Variants in MYO6 observed in about 807,000 individuals in gnomAD.
MYO6 encodes the protein myosin VI, also known as unconventional myosin-VI.
MYO6 carries 74 observed loss-of-function variants against 178.7 expected under a neutral mutation model. That is an observed-to-expected ratio of 0.41 (90% CI 0.34 to 0.50). The LOEUF is 0.50. MYO6 is among the 20% of genes least tolerant of loss of function. MYO6 has a pLI of 0.09. For missense variants in MYO6, 1,330 were observed against 1,547.4 expected, an observed-to-expected ratio of 0.86 and a Z score of 2.36; for synonymous variants, 477 against 504.6, an observed-to-expected ratio of 0.95 and a Z score of 0.73.
At position 75,828,609 on chromosome 6, in the gene MYO6, T is replaced by C. The variant is rs750070309; in HGVS notation, c.257T>C (p.Ile86Thr). 1 of 1,554,150 alleles carries C rather than the reference T, an allele frequency of 6.4e-7. No homozygotes were observed. Among genetic ancestry groups the C allele is most frequent in the Admixed American group, 1.7e-5 (1 of 59,918 alleles). ...AAAGTTCGATATAGTAAAGACAGAATTTATGTAAGTATTTTACCTGTAGTG... is the reference window on the plus strand; with the variant it reads ...AAAGTTCGATATAGTAAAGACAGAACTTATGTAAGTATTTTACCTGTAGTG... ...NIKVRYSKDR[I>T]YTYVANILIA... is the part of the protein sequence containing the mutation. The change falls in exon 4 of 35, where the codon ATT becomes ACT. Residue 86 changes from isoleucine to threonine, a missense_variant. Ile to Thr is a moderately conservative substitution (Grantham distance 89, BLOSUM62 -1). Transcript: ENST00000369977.
Position 75,879,892 on chromosome 6 carries a change from T to TGTACAA in MYO6, c.2151_2156dup (p.Tyr718_Lys719dup). 6.2e-7 allele frequency: 1 copy of TGTACAA among 1,614,124 alleles called. No homozygotes were observed. The highest frequency in any genetic ancestry group is 8.5e-7 in the Non-Finnish European group (1 of 1,180,006). ...GCTTCATTTCATGAACTCTACAACA[T>TGTACAA]GTACAAAAAGTATATGCCAGATAAA... On this transcript the variant is annotated inframe_insertion, in exon 21 of 35. Coordinates refer to ENST00000369977, the MANE Select transcript of MYO6 (RefSeq NM_004999.4).
At chr6:75,899,205 T>C (rs1031060815) in intron 30 of MYO6, among the ~76,000 whole-genome samples, 18 of 152,186 alleles carry the variant, frequency 1.2e-4, no homozygotes, top group Non-Finnish European at 2.1e-4. Context: ...AAGTTAGGGA[T>C]ATTAAAACCA....
intron 23 of MYO6, among the ~76,000 whole-genome samples, chr6:75,884,049 C>A (rs1329873118): frequency 1.3e-5 from 2 of 152,118 alleles, no homozygotes; most frequent in African/African-American, 4.8e-5. Flanking sequence ...TAGTTTAATA[C>A]GTTCAGCTTT....
intron 30 of MYO6, among the ~76,000 whole-genome samples, chr6:75,905,449 G>C (rs1780218617): frequency 6.6e-6 from 1 of 152,264 alleles, no homozygotes; most frequent in Non-Finnish European, 1.5e-5. Context: ...CGTCGGAAAA[G>C]CGCAGTATTC....
Position 75,902,850 on chromosome 6 carries a change from C to T in MYO6, c.3176+4439C>T, listed in dbSNP as rs559553597. On this transcript the variant is annotated intron_variant, in intron 30 of 34. Transcript: ENST00000369977. ...CAATTTTGGATCTTTCCTGCTTTCTCTTGTGGGCATTTAGTGCTATAAATT... is the reference window on the plus strand; with the variant it reads ...CAATTTTGGATCTTTCCTGCTTTCTTTTGTGGGCATTTAGTGCTATAAATT... Among the ~76,000 whole-genome samples, 5 of 151,520 alleles carry T rather than the reference C, an allele frequency of 3.3e-5. No homozygotes were observed. The South Asian group carries it at 8.5e-4, about 26-fold the overall frequency.
chr6:75,888,782 A>G (rs1369748200), intron 25 of MYO6, among the ~76,000 whole-genome samples: 2 of 152,074 alleles, frequency 1.3e-5, no homozygotes, highest in Non-Finnish European at 2.9e-5. Flanking sequence ...TTCAATTTCT[A>G]TCTCTACCAT....
chr6:75,813,040 T>C (rs1344884494), intron 1 of MYO6, among the ~76,000 whole-genome samples: 2 of 152,224 alleles, frequency 1.3e-5, no homozygotes, highest in Non-Finnish European at 2.9e-5. Context: ...ATAGTAGTTA[T>C]ATTAAATGGT....
Position 75,911,691 on chromosome 6 carries a change from C to G in MYO6, c.3432C>G (p.Asn1144Lys), listed in dbSNP as rs772898051. The stretch of plus-strand genomic sequence containing the variant: ...TCACAGATTTTGCACCATTTTTGAA[C>G]AATTCACGTAAGTCAATGGGTGGTA... ...VTDYDFAPFL[N>K]NSPQQNPAAQ... The change falls in exon 33 of 35, where the codon AAC becomes AAG. Residue 1144 changes from asparagine to lysine, a missense_variant. Asn to Lys is a moderately conservative substitution (Grantham distance 94, BLOSUM62 0). Coordinates refer to ENST00000369977, the MANE Select transcript of MYO6 (RefSeq NM_004999.4). The G allele has an allele frequency of 3.1e-6, 5 of 1,612,008 alleles. No individual in the cohort carries two copies. Among genetic ancestry groups the G allele is most frequent in the Admixed American group, 1.7e-5 (1 of 59,956 alleles).
At chr6:75,885,728 G>A (rs1475164995) in intron 23 of MYO6, among the ~76,000 whole-genome samples, 2 of 152,050 alleles carry the variant, frequency 1.3e-5, no homozygotes, top group Non-Finnish European at 2.9e-5. Flanking sequence ...TTACAGGCGT[G>A]AGCCACCGCG....
intron 27 of MYO6, among the ~76,000 whole-genome samples, chr6:75,891,647 T>C (rs1778915304): frequency 6.6e-6 from 1 of 151,478 alleles, no homozygotes; most frequent in South Asian, 2.1e-4. Context: ...AAATAAAAAA[T>C]AAAAAATAAA....
At chr6:75,855,351 A>G in intron 12 of MYO6, 68 bp downstream of exon 12, 1 of 1,509,286 alleles carries the variant, frequency 6.6e-7, no homozygotes, top group East Asian at 2.3e-5. Flanking sequence ...AACATAAGTT[A>G]CATTCTGTTT....
intron 20 of MYO6, among the ~76,000 whole-genome samples, chr6:75,879,363 GCCCC>G (rs879872493): frequency 6.6e-6 from 1 of 151,534 alleles, no homozygotes; most frequent in African/African-American, 2.4e-5. Flanking sequence ...TCCTGTCTCA[GCCCC>G]CTGAGTAGCT....
chr6:75,781,078 G>T (rs1415136727), intron 1 of MYO6, among the ~76,000 whole-genome samples: 1 of 152,122 alleles, frequency 6.6e-6, no homozygotes, highest in African/African-American at 2.4e-5. Flanking sequence ...CTCCCAAAGT[G>T]CTGGGATTAC....
Position 75,862,617 on chromosome 6 carries a change from T to G in MYO6, c.1568T>G (p.Val523Gly). The change falls in exon 16 of 35, where the codon GTG (valine) becomes GGG (glycine). Residue 523 changes from valine to glycine, a missense_variant. Val to Gly is a moderately radical substitution (Grantham distance 109). This residue lies in a region of MYO6 where 613 missense variants were observed against 816.8 expected (regional missense o/e 0.75). Coordinates refer to ENST00000369977, the MANE Select transcript of MYO6 (RefSeq NM_004999.4). ...ATAGATTTAATTGAAGCCAAATTAG[T>G]GGGAATACTGGATATTTTGGATGAA... ...DCIDLIEAKL[V>G]GILDILDEEN... is the part of the protein sequence containing the mutation. The G allele has an allele frequency of 6.2e-7, 1 of 1,613,588 alleles. No homozygotes were observed. Among genetic ancestry groups the G allele is most frequent in the Non-Finnish European group, 8.5e-7 (1 of 1,179,530 alleles).
chr6:75,891,957 A>G (rs1181105283), intron 27 of MYO6, among the ~76,000 whole-genome samples: 7 of 136,898 alleles, frequency 5.1e-5, no homozygotes, highest in Non-Finnish European at 4.9e-5. Flanking sequence ...GTGTAGATCA[A>G]TAAATATTAA....
At chr6:75,891,845 A>G (rs1458755006) in intron 27 of MYO6, among the ~76,000 whole-genome samples, 1 of 152,180 alleles carries the variant, frequency 6.6e-6, no homozygotes, top group Non-Finnish European at 1.5e-5. Flanking sequence ...TGTACACATT[A>G]TAGTGAGGAA....
At chr6:75,753,455 G>GTGTGTATATATATATATATATATATA (rs370647728) in intron 1 of MYO6, among the ~76,000 whole-genome samples, 7 of 140,046 alleles carry the variant, frequency 5.0e-5, no homozygotes, top group African/African-American at 1.9e-4. Flanking sequence ...GTGTGTGTGT[G>GTGTGTATATATATATATATATATATA]TATATATATA....
chr6:75,850,631 A>G (rs1775174708), intron 11 of MYO6, among the ~76,000 whole-genome samples: 1 of 152,248 alleles, frequency 6.6e-6, no homozygotes, highest in African/African-American at 2.4e-5. Context: ...GCAACATAAC[A>G]TAGTGGATGG....
chr6:75,794,193 T>C (rs377380052), intron 1 of MYO6, among the ~76,000 whole-genome samples: 1 of 152,090 alleles, frequency 6.6e-6, no homozygotes, highest in Admixed American at 6.6e-5. Context: ...GGCAATCTTA[T>C]AGAAGGAGAA....
Sources: gnomAD v4.1 joint callset for allele counts (sites outside exome capture counted in the v4.1 genomes callset) on GRCh38, gnomAD v4.1.1 for gene constraint, gnomAD v4.1.1 regional missense constraint, MANE v1.5 for transcripts, NCBI Gene and HGNC (gene_info 2026-07-23, HGNC 2026-07-21) for gene names.